F13B: variants seen among roughly 807,000 people sequenced by gnomAD.
F13B encodes the protein TGase.
In F13B, 58 loss-of-function variants were observed where a neutral mutation model predicts 79.8. That is an observed-to-expected ratio of 0.73 (90% confidence interval 0.59 to 0.90). The LOEUF is 0.90. Ranked by LOEUF, F13B falls within the 40% of genes least tolerant of loss-of-function variation. F13B has a pLI of 0.00. For missense variants in F13B, 773 were observed against 777.0 expected (o/e 0.99, Z 0.06); for synonymous variants, 283 against 260.3 (o/e 1.09, Z -0.84).
chr1:197,053,413 A>C (rs1185335289), intron 8 of F13B, among the ~76,000 whole-genome samples: 2 of 152,056 alleles, frequency 1.3e-5, no homozygotes, highest in African/African-American at 4.8e-5. Context: ...CATTACAGTG[A>C]ATAAGTCTCA....
chr1:197,050,027 C>A (rs1270984206), intron 10 of F13B, among the ~76,000 whole-genome samples: 5 of 151,966 alleles, frequency 3.3e-5, no homozygotes, highest in Non-Finnish European at 7.4e-5. Context: ...ATACCTTTAA[C>A]TTGATTTTTA....
intron 10 of F13B, among the ~76,000 whole-genome samples, chr1:197,048,148 GTA>G (rs10640299): frequency 2.0e-5 from 3 of 149,966 alleles, no homozygotes. Context: ...ATATATATGT[GTA>G]TATATATATA....
intron 10 of F13B, among the ~76,000 whole-genome samples, chr1:197,048,093 A>G (rs547575775): frequency 5.9e-5 from 9 of 151,810 alleles, no homozygotes; most frequent in Non-Finnish European, 2.9e-5. Flanking sequence ...TATGTAACAA[A>G]CCTGCACATT....
At position 197,052,700 on chromosome 1, in the gene F13B, G is replaced by T. The variant is rs1306847718; in HGVS notation, c.1489C>A (p.Pro497Thr). The T allele has an allele frequency of 6.2e-7, 1 of 1,612,064 alleles. No individual in the cohort carries two copies. Among genetic ancestry groups the T allele is most frequent in the Non-Finnish European group, 8.5e-7 (1 of 1,178,904 alleles). ...KQGYDLSPLT[P>T]LSELSVQCNR... is the part of the protein sequence containing the mutation. ...CACTGCACAGATAATTCAGACAATG[G>T]GGTTAATGGAGATAAGTCATATCCC... Residue 497 changes from proline (P) to threonine (T), a missense_variant, in exon 9 of 12, where the codon CCA (proline) becomes ACA (threonine). Coordinates refer to ENST00000367412, the MANE Select transcript of F13B (RefSeq NM_001994.3).
rs146988030 is a variant in F13B, at chr1:197,047,124, C to T, written c.1738+3573G>A. 7.3e-3 allele frequency among the ~76,000 whole-genome samples: 1,115 copies of T among 152,124 alleles called. 14 individuals carry two copies. Among genetic ancestry groups the T allele is most frequent in the African/African-American group, 0.026 (1,064 of 41,472 alleles). On this transcript the variant is annotated intron_variant, in intron 10 of 11. Transcript: ENST00000367412. ...GGCAAGTACTTCATGACTAAAACAC[C>T]AAAAGTAATGGCAACAAAAGCCAAA...
intron 10 of F13B, among the ~76,000 whole-genome samples, chr1:197,044,145 C>T (rs1217038917): frequency 6.6e-6 from 1 of 151,940 alleles, no homozygotes; most frequent in Non-Finnish European, 1.5e-5. Flanking sequence ...CTGGGCAGCA[C>T]AGTGAGAAAT....
chr1:197,058,741 T>TC (rs1418448900), intron 5 of F13B, among the ~76,000 whole-genome samples: 1 of 152,036 alleles, frequency 6.6e-6, no homozygotes, highest in Non-Finnish European at 1.5e-5. Flanking sequence ...TAAGGTAACG[T>TC]TTAATGGTTC....
At chr1:197,048,667 A>T (rs1383194093) in intron 10 of F13B, among the ~76,000 whole-genome samples, 3 of 152,156 alleles carry the variant, frequency 2.0e-5, no homozygotes, top group Non-Finnish European at 4.4e-5. Flanking sequence ...GTAATGTTTT[A>T]AAATGCCAAG....
In F13B at chr1:197,052,175, T is replaced by C. The variant is rs528069161; in HGVS notation, c.1555+459A>G. Among the ~76,000 whole-genome samples, 6 of 152,294 alleles carry C rather than the reference T, an allele frequency of 3.9e-5. No individual in the cohort carries two copies. In the East Asian group the frequency reaches 1.2e-3, roughly 29 times the overall value. ...GTTTGGGGTTTTTACATTTAAATCT[T>C]TAATCCATCTTGAGTTAATTTTTGT... On this transcript the variant is annotated intron_variant, in intron 9 of 11. Transcript: ENST00000367412.
chr1:197,057,523 T>G (rs1655692362), intron 5 of F13B, 58 bp from the exon 6 acceptor site: 2 of 1,522,464 alleles, frequency 1.3e-6, no homozygotes, highest in Non-Finnish European at 1.8e-6. Flanking sequence ...ATAATAAAGA[T>G]TAAATTAAAA....
At chr1:197,050,977 G>A in intron 9 of F13B, 98 bp from the exon 10 acceptor site, 1 of 1,033,748 alleles carries the variant, frequency 9.7e-7, no homozygotes, top group South Asian at 1.4e-5. Flanking sequence ...TGTCACCCAG[G>A]CTGGAGTATG....
In F13B at chr1:197,060,346, T is replaced by C. The variant is rs1210872790; in HGVS notation, c.805+20A>G. On this transcript the variant is annotated intron_variant, in intron 5 of 11. Coordinates refer to ENST00000367412, the MANE Select transcript of F13B (RefSeq NM_001994.3). ...TGATAAAGACATGGCATTTTGCGAG[T>C]ATTAAATTTAAAAATTTACCTTCGC... 18 of 1,588,204 alleles carry C rather than the reference T, an allele frequency of 1.1e-5. No individual in the cohort carries two copies. The highest frequency in any genetic ancestry group is 1.6e-5 in the Non-Finnish European group (18 of 1,157,188).
chr1:197,039,389 AG>A lies in F13B; in HGVS notation c.1974del (p.Leu659Ter). 1 of 1,611,018 alleles carries A rather than the reference AG, an allele frequency of 6.2e-7. No homozygotes were observed. Among genetic ancestry groups the A allele is most frequent in the Non-Finnish European group, 8.5e-7 (1 of 1,177,930 alleles). ...PRQSTLSYQE[P>X]LRT The stretch of plus-strand genomic sequence containing the variant: ...TCTGCCATTCATTTCTATGTTCTTA[AG>A]GGTTCTTGATAAGACAGAGTGCTTG... On this transcript the variant is annotated frameshift_variant, in exon 12 of 12. Transcript: ENST00000367412. LOFTEE classifies it high-confidence loss of function.
Position 197,038,902 on chromosome 1 carries a change from A to C in F13B, c.*476T>G, listed in dbSNP as rs1325108834. Among the ~76,000 whole-genome samples the C allele has an allele frequency of 7.9e-5, 12 of 152,124 alleles. No homozygotes were observed. Among genetic ancestry groups the C allele is most frequent in the Admixed American group, 7.2e-4 (11 of 15,258 alleles). ...TTTACATTTAGAAAGTCTGAAGGGC[A>C]GTCTCTTCTGCCTTTAATAAGGCAG... is the stretch of plus-strand genomic sequence containing the variant. On this transcript the variant is annotated 3_prime_UTR_variant, in exon 12 of 12. Transcript: ENST00000367412.
At chr1:197,062,789 G>T in intron 2 of F13B, 68 bp downstream of exon 2, 1 of 1,461,678 alleles carries the variant, frequency 6.8e-7, no homozygotes, top group Non-Finnish European at 9.6e-7. Flanking sequence ...ATTTTTATTG[G>T]ACCCCTATTT....
At chr1:197,056,228 A>C (rs1308087206) in intron 7 of F13B, among the ~76,000 whole-genome samples, 1 of 152,136 alleles carries the variant, frequency 6.6e-6, no homozygotes, top group Non-Finnish European at 1.5e-5. Context: ...GCTCTTTGGC[A>C]TTACCCCACT....
chr1:197,049,889 C>T (rs1199381561), intron 10 of F13B, among the ~76,000 whole-genome samples: 2 of 152,018 alleles, frequency 1.3e-5, no homozygotes, highest in African/African-American at 4.8e-5. Context: ...CAATATAATT[C>T]ATTAAATTTG....
rs746049832 is a variant in F13B, at chr1:197,060,475, T to A, written c.696A>T (p.Glu232Asp). Residue 232 changes from glutamate to aspartate, a missense_variant, in exon 5 of 12, where the codon GAA becomes GAT. Transcript: ENST00000367412. ...GYFHPVKQTY[E>D]EGDVVQFFCH... ...AGAAAAACTGAACGACATCTCCTTC[T>A]TCATAGGTTTGCTTTACAGGATGAA... 6.2e-7 allele frequency: 1 copy of A among 1,608,758 alleles called. No individual in the cohort carries two copies. The highest frequency in any genetic ancestry group is 8.5e-7 in the Non-Finnish European group (1 of 1,176,760).
chr1:197,055,667 A>C (rs1402104182), intron 8 of F13B, 48 bp downstream of exon 8: 1 of 1,577,048 alleles, frequency 6.3e-7, no homozygotes, highest in Non-Finnish European at 8.7e-7. Context: ...CTGTAAGAAA[A>C]TCACATAAAA....
Sources: allele counts gnomAD v4.1 joint callset (sites outside exome capture counted in the v4.1 genomes callset), GRCh38; gene constraint gnomAD v4.1.1; transcripts MANE v1.5; gene names NCBI Gene and HGNC (gene_info 2026-07-23, HGNC 2026-07-21).